The following OGFOD1 variants were observed in gnomAD, a reference collection of about 807,000 sequenced individuals.
OGFOD1 encodes the protein 2-oxoglutarate and iron dependent oxygenase domain containing 1.
In OGFOD1, 54 loss-of-function variants were observed where a neutral mutation model predicts 67.7. That is an observed-to-expected ratio of 0.80 (90% CI 0.64 to 1.00). The LOEUF (loss-of-function observed/expected upper bound fraction) is 1.00, where lower values mean the gene tolerates loss of function less well. Ranked by LOEUF, OGFOD1 falls within the 50% of genes least tolerant of loss-of-function variation. OGFOD1 has a pLI of 0.00. For synonymous variants in OGFOD1, 221 were observed against 227.0 expected, an observed-to-expected ratio of 0.97 and a Z score of 0.24; for missense variants, 606 against 646.7, an observed-to-expected ratio of 0.94 and a Z score of 0.68.
chr16:56,452,584 C>T (rs1268128045), intron 1 of OGFOD1, among the ~76,000 whole-genome samples: 2 of 152,150 alleles, frequency 1.3e-5, no homozygotes, highest in South Asian at 4.1e-4. Context: ...CTATAGAAAA[C>T]GATAGCTTAG....
Position 56,478,968 on chromosome 16 carries a change from ACTTCATTTTGCAT to A in OGFOD1, c.*2767_*2779del, listed in dbSNP as rs534880549. On this transcript the variant is annotated 3_prime_UTR_variant, in exon 13 of 13. Transcript: ENST00000566157. ...TAGTGAAGTTTGTTTTCCTTATAGT[ACTTCATTTTGCAT>A]CTTGATTGCTTTTTAGGGCCTGGGG... The A allele has an allele frequency of 4.6e-5, 7 of 152,310 alleles. No individual in the cohort carries two copies. Among genetic ancestry groups the A allele is most frequent in the Admixed American group, 3.3e-4 (5 of 15,294 alleles). 9.4% of individuals were successfully genotyped at this position (152,310 alleles called of 1,614,324 possible).
At chr16:56,462,789 C>A (rs1426889447) in intron 4 of OGFOD1, among the ~76,000 whole-genome samples, 155 bp downstream of exon 4, 1 of 152,108 alleles carries the variant, frequency 6.6e-6, no homozygotes, top group African/African-American at 2.4e-5. Context: ...ACAGAAATAC[C>A]CACCTTATTG....
At chr16:56,472,675 T>G (rs531709799) in intron 10 of OGFOD1, among the ~76,000 whole-genome samples, 6 of 152,218 alleles carry the variant, frequency 3.9e-5, no homozygotes, top group Non-Finnish European at 8.8e-5. Context: ...AGTGGCCATA[T>G]TAGCATTTGG....
At chr16:56,455,400 C>T (rs1962491978) in intron 2 of OGFOD1, among the ~76,000 whole-genome samples, 2 of 147,956 alleles carry the variant, frequency 1.4e-5, no homozygotes, top group Non-Finnish European at 3.0e-5. Context: ...AGATATAAGG[C>T]AAAATAATAA....
intron 4 of OGFOD1, among the ~76,000 whole-genome samples, chr16:56,463,489 C>A (rs1351003169): frequency 1.5e-5 from 2 of 133,036 alleles, no homozygotes; most frequent in Middle Eastern, 4.9e-3. Flanking sequence ...GTGGCGTGAT[C>A]TCGGCCCACT....
intron 2 of OGFOD1, among the ~76,000 whole-genome samples, chr16:56,457,536 A>T (rs568435505): frequency 9.8e-5 from 15 of 152,340 alleles, no homozygotes; most frequent in African/African-American, 3.6e-4. Flanking sequence ...AGAAATTGAA[A>T]TTATGTGGAT....
chr16:56,454,811 A>C (rs1409695567), intron 2 of OGFOD1: 1 of 444,320 alleles, frequency 2.3e-6, no homozygotes, highest in Non-Finnish European at 4.5e-6. Flanking sequence ...GACCTTCCCC[A>C]GATCTTTCTG....
At chr16:56,466,408 C>T (rs1264245684) in intron 5 of OGFOD1, 140 bp downstream of exon 5, 6 of 608,320 alleles carry the variant, frequency 9.9e-6, no homozygotes, top group Non-Finnish European at 1.8e-5. Flanking sequence ...GTAACTACCT[C>T]AAGAGGAATA....
At position 56,462,559 on chromosome 16, in the gene OGFOD1, T is replaced by C; in HGVS notation, c.373T>C (p.Ser125Pro). The change falls in exon 4 of 13, where the codon TCC (serine) becomes CCC (proline). Residue 125 changes from serine to proline, a missense_variant. By Grantham distance (74) the Ser-to-Pro change is moderately conservative. Transcript: ENST00000566157. The part of the protein sequence containing the change: ...LRKILFEDFR[S>P]WLSDISKIDL... ...GAAAATTCTGTTTGAAGATTTCCGGTCCTGGCTTTCTGATATTTCTAAAAT... is the reference window on the plus strand; with the variant it reads ...GAAAATTCTGTTTGAAGATTTCCGGCCCTGGCTTTCTGATATTTCTAAAAT... The C allele has an allele frequency of 6.2e-7, 1 of 1,612,602 alleles. No homozygotes were observed. Among genetic ancestry groups the C allele is most frequent in the Non-Finnish European group, 8.5e-7 (1 of 1,178,648 alleles).
At chr16:56,459,863 T>C (rs1962653049) in intron 3 of OGFOD1, among the ~76,000 whole-genome samples, 1 of 152,212 alleles carries the variant, frequency 6.6e-6, no homozygotes, top group Non-Finnish European at 1.5e-5. Flanking sequence ...ATTTAACTCC[T>C]GCTAGTAGGA....
chr16:56,469,845 C>A, intron 8 of OGFOD1, among the ~76,000 whole-genome samples, 158 bp from the exon 9 acceptor site: 1 of 97,338 alleles, frequency 1.0e-5, no homozygotes, highest in Non-Finnish European at 1.9e-5. Context: ...AGTGAAACTC[C>A]ATCTCAAAAA....
At chr16:56,456,471 C>T (rs1962527257) in intron 2 of OGFOD1, among the ~76,000 whole-genome samples, 1 of 152,180 alleles carries the variant, frequency 6.6e-6, no homozygotes, top group Non-Finnish European at 1.5e-5. Context: ...TGCAGTTTTC[C>T]CCATCACAGT....
In OGFOD1 at chr16:56,478,947, G is replaced by C. The variant is rs1375497906; in HGVS notation, c.*2742G>C. The C allele has an allele frequency of 6.6e-6, 1 of 152,192 alleles. No homozygotes were observed. Among genetic ancestry groups the C allele is most frequent in the Non-Finnish European group, 1.5e-5 (1 of 68,032 alleles). The allele number at this position is 152,192 out of a possible 1,614,324, so 9.4% of individuals were successfully genotyped here. ...CTGAAGATAGATACACAGTGATAGTGAAGTTTGTTTTCCTTATAGTACTTC... is the reference window on the plus strand; with the variant it reads ...CTGAAGATAGATACACAGTGATAGTCAAGTTTGTTTTCCTTATAGTACTTC... On this transcript the variant is annotated 3_prime_UTR_variant, in exon 13 of 13. Coordinates refer to ENST00000566157, the MANE Select transcript of OGFOD1 (RefSeq NM_018233.4).
chr16:56,476,405 A>T lies in OGFOD1; in HGVS notation c.*200A>T, dbSNP rs76812608. On this transcript the variant is annotated 3_prime_UTR_variant, in exon 13 of 13. Coordinates refer to ENST00000566157, the MANE Select transcript of OGFOD1 (RefSeq NM_018233.4). ...GCAGCTAAGTACTTATCTCTTGATTAAAAAAAAAAAGTTGGCTTTTTTTTT... is the reference window on the plus strand; with the variant it reads ...GCAGCTAAGTACTTATCTCTTGATTTAAAAAAAAAAGTTGGCTTTTTTTTT... The T allele has an allele frequency of 3.3e-5, 6 of 180,300 alleles. No homozygotes were observed. Among genetic ancestry groups the T allele is most frequent in the East Asian group, 8.2e-5 (1 of 12,268 alleles). The allele number at this position is 180,300 out of a possible 1,614,324, so 11.2% of individuals were successfully genotyped here.
At chr16:56,454,918 C>CA in intron 2 of OGFOD1, 1 of 258,410 alleles carries the variant, frequency 3.9e-6, no homozygotes, top group South Asian at 3.3e-5. Context: ...AACTGCTTTC[C>CA]ATGGTAAGGT....
chr16:56,468,063 A>G (rs766582993), intron 8 of OGFOD1, 45 bp downstream of exon 8: 5 of 1,066,016 alleles, frequency 4.7e-6, no homozygotes, highest in East Asian at 4.8e-5. Context: ...TTGGCATGCA[A>G]TTTTGCTTCC....
At position 56,478,442 on chromosome 16, in the gene OGFOD1, G is replaced by C. The variant is rs1283416550; in HGVS notation, c.*2237G>C. The C allele has an allele frequency of 1.3e-5, 2 of 152,174 alleles. No individual in the cohort carries two copies. The highest frequency in any genetic ancestry group is 2.9e-5 in the Non-Finnish European group (2 of 68,044). The allele number at this position is 152,174 out of a possible 1,614,324, so 9.4% of individuals were successfully genotyped here. ...GGGATTGCGAATACTGTTACTAATGGTTAATGTCACAGCTTGCCTTTTCTA... is the reference window on the plus strand; with the variant it reads ...GGGATTGCGAATACTGTTACTAATGCTTAATGTCACAGCTTGCCTTTTCTA... On this transcript the variant is annotated 3_prime_UTR_variant, in exon 13 of 13. Transcript: ENST00000566157.
chr16:56,461,769 T>C (rs1279882476), intron 3 of OGFOD1, among the ~76,000 whole-genome samples: 1 of 152,118 alleles, frequency 6.6e-6, no homozygotes, highest in Non-Finnish European at 1.5e-5. Context: ...AGCCCACACA[T>C]TTGGCATTGG....
chr16:56,452,888 C>A (rs1381636455), intron 1 of OGFOD1, among the ~76,000 whole-genome samples: 1 of 152,068 alleles, frequency 6.6e-6, no homozygotes, highest in Non-Finnish European at 1.5e-5. Context: ...AGCAGGGAAA[C>A]TGCCGACCAG....
Sources: gnomAD v4.1 joint callset for allele counts (sites outside exome capture counted in the v4.1 genomes callset) on GRCh38, gnomAD v4.1.1 for gene constraint, MANE v1.5 for transcripts, NCBI Gene and HGNC (gene_info 2026-07-23, HGNC 2026-07-21) for gene names.